The following SMCO2 variants were observed in gnomAD, a reference collection of about 807,000 sequenced individuals.
SMCO2 encodes single-pass membrane and coiled-coil domain-containing protein 2.
A neutral mutation model predicts 29.5 loss-of-function variants in SMCO2; 25 were observed. That is an observed-to-expected ratio of 0.85 (90% CI 0.62 to 1.18). The LOEUF is 1.18. Among genes scored for constraint, SMCO2 ranks in the 50% most tolerant of loss-of-function variants. SMCO2 has a pLI of 0.00. For synonymous variants in SMCO2, 117 were observed against 123.3 expected, an observed-to-expected ratio of 0.95 and a Z score of 0.34; for missense variants, 348 against 344.5, an observed-to-expected ratio of 1.01 and a Z score of -0.08.
At chr12:27,457,922 A>T in the SMCO2 span, among the ~76,000 whole-genome samples, 4 of 152,220 alleles carry the variant, frequency 2.6e-5, no homozygotes, top group Non-Finnish European at 5.9e-5. Flanking sequence ...TCTGTATTCT[A>T]TCTCATTCTT....
At chr12:27,438,937 C>A in the SMCO2 span, among the ~76,000 whole-genome samples, 256 of 152,214 alleles carry the variant, frequency 1.7e-3, no homozygotes, top group African/African-American at 5.8e-3. Flanking sequence ...ACCTGCAATA[C>A]CCCTTCCACC....
chr12:27,481,543 A>G (rs1949643679), intron 4 of SMCO2, among the ~76,000 whole-genome samples: 1 of 152,210 alleles, frequency 6.6e-6, no homozygotes, highest in Non-Finnish European at 1.5e-5. Context: ...GTTTGTGTAG[A>G]AGTGGTATAA....
At chr12:27,429,770 A>C in the SMCO2 span, among the ~76,000 whole-genome samples, 1 of 152,190 alleles carries the variant, frequency 6.6e-6, no homozygotes, top group African/African-American at 2.4e-5. Flanking sequence ...TGTTGTTTAG[A>C]ATGAATTTCT....
At chr12:27,466,965 G>C (rs866177964) in exon 1 of SMCO2, 3 of 152,198 alleles carry the variant, frequency 2.0e-5, no homozygotes, top group African/African-American at 7.2e-5. Context: ...GAAGAGCAAA[G>C]CTATCTCCAG....
intron 4 of SMCO2, among the ~76,000 whole-genome samples, chr12:27,476,944 T>C (rs1949591694): frequency 6.6e-6 from 1 of 152,098 alleles, no homozygotes; most frequent in Non-Finnish European, 1.5e-5. Flanking sequence ...TCTTATTGTT[T>C]ATAATTGCAG....
intron 1 of SMCO2, among the ~76,000 whole-genome samples, chr12:27,469,231 G>T (rs1301039857): frequency 1.3e-5 from 2 of 152,170 alleles, no homozygotes; most frequent in East Asian, 3.9e-4. Flanking sequence ...GGGCTGTGAT[G>T]AAATTGGCAG....
chr12:27,428,473 T>C, the SMCO2 span, among the ~76,000 whole-genome samples: 5 of 152,170 alleles, frequency 3.3e-5, no homozygotes, highest in African/African-American at 4.8e-5. Context: ...TCTTTTTGTT[T>C]GGCTGTTTTG....
At chr12:27,457,592 T>A in the SMCO2 span, among the ~76,000 whole-genome samples, 1 of 152,234 alleles carries the variant, frequency 6.6e-6, no homozygotes. Flanking sequence ...GCTGTCAACA[T>A]CTGGGTCTTG....
At chr12:27,432,207 A>G in the SMCO2 span, among the ~76,000 whole-genome samples, 1 of 152,134 alleles carries the variant, frequency 6.6e-6, no homozygotes, top group Non-Finnish European at 1.5e-5. Context: ...CACATTCCAT[A>G]GGTTGTTTTT....
At chr12:27,463,141 G>A (rs1949471162), upstream of SMCO2, among the ~76,000 whole-genome samples, 2 of 152,224 alleles carry the variant, frequency 1.3e-5, no homozygotes, top group Admixed American at 1.3e-4. Flanking sequence ...AGCTGTCAAG[G>A]TCAAGGTCAC....
At chr12:27,481,348 C>T (rs420741) in intron 4 of SMCO2, among the ~76,000 whole-genome samples, 18,445 of 152,280 alleles carry the variant, frequency 0.12, 2,163 homozygotes, top group African/African-American at 0.28. Context: ...GTGGCTAGGA[C>T]TGCAGAAGTT....
the SMCO2 span, among the ~76,000 whole-genome samples, chr12:27,454,690 A>G: frequency 6.6e-6 from 1 of 152,196 alleles, no homozygotes; most frequent in Admixed American, 6.5e-5. Flanking sequence ...CCCGTCATCT[A>G]CATTAGGTAT....
intron 4 of SMCO2, among the ~76,000 whole-genome samples, chr12:27,484,429 A>G (rs1357030758): frequency 6.6e-6 from 1 of 152,032 alleles, no homozygotes; most frequent in Non-Finnish European, 1.5e-5. Context: ...TCTACTGGGG[A>G]TGTGTTCTTT....
At chr12:27,430,128 C>T in the SMCO2 span, among the ~76,000 whole-genome samples, 4 of 152,102 alleles carry the variant, frequency 2.6e-5, no homozygotes, top group East Asian at 1.9e-4. Context: ...CCCACTGATT[C>T]GAAATGTTGC....
At chr12:27,471,434 C>T (rs1949540388) in intron 2 of SMCO2, among the ~76,000 whole-genome samples, 2 of 152,090 alleles carry the variant, frequency 1.3e-5, no homozygotes, top group Admixed American at 1.3e-4. Context: ...TCAATACCCC[C>T]TCAACCCTGA....
chr12:27,439,832 C>T, the SMCO2 span, among the ~76,000 whole-genome samples: 19 of 151,838 alleles, frequency 1.3e-4, no homozygotes, highest in Admixed American at 1.2e-3. Context: ...GAACAAAGAC[C>T]ACCTACAAGA....
chr12:27,432,730 A>G, the SMCO2 span, among the ~76,000 whole-genome samples: 1 of 152,194 alleles, frequency 6.6e-6, no homozygotes, highest in African/African-American at 2.4e-5. Flanking sequence ...CATGAAATCT[A>G]TTTGTCATTA....
the SMCO2 span, among the ~76,000 whole-genome samples, chr12:27,440,699 A>G: frequency 8.3e-6 from 1 of 120,160 alleles, no homozygotes; most frequent in Non-Finnish European, 1.7e-5. Flanking sequence ...TTTGTGATCT[A>G]GGATAAGTTG....
the SMCO2 span, chr12:27,425,158 G>T: frequency 6.6e-6 from 1 of 151,786 alleles, no homozygotes; most frequent in African/African-American, 2.4e-5. Context: ...CTCTTTTCCA[G>T]TTCACTTGTG....
Sources: gnomAD v4.1 joint callset for allele counts (sites outside exome capture counted in the v4.1 genomes callset) on GRCh38, gnomAD v4.1.1 for gene constraint, MANE v1.5 for transcripts, NCBI Gene and HGNC (gene_info 2026-07-23, HGNC 2026-07-21) for gene names.